Variants in MYT1L observed in about 807,000 individuals in gnomAD.
MYT1L encodes myelin transcription factor 1 like, also known as myelin transcription factor 1-like protein.
In MYT1L, 12 loss-of-function variants were observed where a neutral mutation model predicts 126.7. The observed-to-expected ratio is 0.09, with a 90% CI of 0.06 to 0.15. The LOEUF (loss-of-function observed/expected upper bound fraction) is 0.15, where lower values mean the gene tolerates loss of function less well. Among genes scored for constraint, MYT1L ranks in the 10% least tolerant of loss-of-function variants. The pLI is 1.00. For missense variants in MYT1L, 979 were observed against 1,585.2 expected, an observed-to-expected ratio of 0.62 and a Z score of 6.49; for synonymous variants, 541 against 604.2, an observed-to-expected ratio of 0.90 and a Z score of 1.53.
chr2:2,157,346 C>T (rs2086898618), intron 3 of MYT1L, among the ~76,000 whole-genome samples: 1 of 152,224 alleles, frequency 6.6e-6, no homozygotes. Flanking sequence ...CATAATTTTA[C>T]CAAGTACTTA....
At chr2:2,025,638 G>A (rs973750310) in intron 4 of MYT1L, among the ~76,000 whole-genome samples, 1 of 152,148 alleles carries the variant, frequency 6.6e-6, no homozygotes, top group African/African-American at 2.4e-5. Context: ...ACATCAATAC[G>A]CCCAAGTCTT....
intron 18 of MYT1L, among the ~76,000 whole-genome samples, chr2:1,874,016 T>C (rs1250100803): frequency 1.3e-5 from 2 of 151,864 alleles, no homozygotes; most frequent in East Asian, 3.9e-4. Flanking sequence ...ACGAAGAAAG[T>C]GACAGGAAAT....
chr2:2,300,258 C>T (rs1457346615), intron 1 of MYT1L, among the ~76,000 whole-genome samples: 1 of 152,182 alleles, frequency 6.6e-6, no homozygotes, highest in Non-Finnish European at 1.5e-5. Context: ...AGGCATTTGA[C>T]TTCTGATTGC....
intron 2 of MYT1L, among the ~76,000 whole-genome samples, chr2:2,244,673 G>C (rs1463401612): frequency 6.6e-6 from 1 of 152,200 alleles, no homozygotes; most frequent in African/African-American, 2.4e-5. Context: ...CCAGCTCAGA[G>C]GGCAGGTGTG....
In MYT1L at chr2:1,832,290, A is replaced by C. The variant is rs1330041848; in HGVS notation, c.3080+6859T>G. 1.3e-5 allele frequency among the ~76,000 whole-genome samples: 2 copies of C among 152,166 alleles called. 1 individual carries two copies. Among genetic ancestry groups the C allele is most frequent in the Non-Finnish European group, 2.9e-5 (2 of 68,022 alleles). Reference sequence around the variant, plus strand: ...AACCAGGAAGAGAGGCCTCCCCAGAAACCAGATCAGCTGGAACCTGATCTC... The same window carrying C: ...AACCAGGAAGAGAGGCCTCCCCAGACACCAGATCAGCTGGAACCTGATCTC... On this transcript the variant is annotated intron_variant, in intron 21 of 24. Coordinates refer to ENST00000647738, the MANE Select transcript of MYT1L (RefSeq NM_001303052.2).
At chr2:2,084,382 A>G (rs2150339600) in intron 3 of MYT1L, among the ~76,000 whole-genome samples, 1 of 152,360 alleles carries the variant, frequency 6.6e-6, no homozygotes. Context: ...TTGTGTGTGA[A>G]AAACAGGATA....
intron 3 of MYT1L, among the ~76,000 whole-genome samples, chr2:2,088,664 T>C (rs1197167681): frequency 6.6e-6 from 1 of 151,994 alleles, no homozygotes; most frequent in African/African-American, 2.4e-5. Flanking sequence ...TAAGTACTAG[T>C]ATAAAAAATA....
At chr2:2,065,813 C>G (rs1197283700) in intron 3 of MYT1L, among the ~76,000 whole-genome samples, 1 of 139,892 alleles carries the variant, frequency 7.1e-6, no homozygotes, top group Admixed American at 7.3e-5. Flanking sequence ...ATATCAATCT[C>G]TCTCTTTTAT....
chr2:2,131,576 A>C (rs1296773016), intron 3 of MYT1L, among the ~76,000 whole-genome samples: 1 of 152,186 alleles, frequency 6.6e-6, no homozygotes, highest in Non-Finnish European at 1.5e-5. Flanking sequence ...TAGTAACTAA[A>C]TGAGAGGTTA....
At chr2:2,127,242 C>T (rs1285520055) in intron 3 of MYT1L, among the ~76,000 whole-genome samples, 1 of 152,146 alleles carries the variant, frequency 6.6e-6, no homozygotes, top group African/African-American at 2.4e-5. Flanking sequence ...CTCCTCCCAG[C>T]CTCCACCCCA....
chr2:2,101,410 T>C lies in MYT1L; in HGVS notation c.-303-47287A>G, dbSNP rs1425597094. 3.9e-5 allele frequency among the ~76,000 whole-genome samples: 6 copies of C among 152,218 alleles called. No individual in the cohort carries two copies. The East Asian group carries it at 9.7e-4, about 25-fold the overall frequency. On this transcript the variant is annotated intron_variant, in intron 3 of 24. Transcript: ENST00000647738. ...GCAAAATAAAGATTTAATAATAAAA[T>C]AGCTGTGAGTTACTTCAGGCATTAA...
At chr2:2,052,453 CA>C (rs1313618969) in intron 4 of MYT1L, among the ~76,000 whole-genome samples, 1 of 152,088 alleles carries the variant, frequency 6.6e-6, no homozygotes, top group East Asian at 1.9e-4. Context: ...AAACTTAAAA[CA>C]ACGAAATGTT....
intron 4 of MYT1L, among the ~76,000 whole-genome samples, chr2:2,037,525 G>A (rs916897183): frequency 6.6e-6 from 1 of 151,714 alleles, no homozygotes; most frequent in African/African-American, 2.4e-5. Context: ...GGAAGCCAAG[G>A]TGGCCAGATC....
intron 18 of MYT1L, among the ~76,000 whole-genome samples, chr2:1,859,548 C>T (rs2044314269): frequency 1.3e-5 from 2 of 152,168 alleles, no homozygotes; most frequent in African/African-American, 4.8e-5. Context: ...GAAGTTATGG[C>T]TGGCAAAATA....
chr2:2,238,918 T>A (rs1167462549), intron 2 of MYT1L, among the ~76,000 whole-genome samples: 1 of 152,126 alleles, frequency 6.6e-6, no homozygotes, highest in Admixed American at 6.5e-5. Context: ...TAGTAGCAGG[T>A]GCCAGGGTGG....
intron 18 of MYT1L, among the ~76,000 whole-genome samples, chr2:1,883,490 C>T (rs1237373554): frequency 2.0e-5 from 3 of 152,194 alleles, no homozygotes; most frequent in Non-Finnish European, 4.4e-5. Flanking sequence ...TGAAATGTCA[C>T]GAGAAGAAAC....
chr2:2,283,073 C>G (rs562567614), intron 2 of MYT1L, among the ~76,000 whole-genome samples: 4 of 152,010 alleles, frequency 2.6e-5, no homozygotes, highest in Admixed American at 6.6e-5. Flanking sequence ...AGACTCCATC[C>G]CCCCCAACAC....
rs535630580 is a variant in MYT1L at position 2,048,239 on chromosome 2, G to GA, written c.-158+5738dup. On this transcript the variant is annotated intron_variant, in intron 4 of 24. Coordinates refer to ENST00000647738, the MANE Select transcript of MYT1L (RefSeq NM_001303052.2). The stretch of plus-strand genomic sequence containing the variant: ...CTTCCAATCCCTTCTGCCCTGACCA[G>GA]AAAAAAAATAAAATAAAACTTATAA... 1.1e-3 allele frequency among the ~76,000 whole-genome samples: 163 copies of GA among 151,734 alleles called. 1 individual carries two copies. The highest frequency in any genetic ancestry group is 1.7e-3 in the Non-Finnish European group (117 of 67,950).
intron 18 of MYT1L, among the ~76,000 whole-genome samples, chr2:1,879,177 G>A (rs1291597383): frequency 1.3e-5 from 2 of 152,122 alleles, no homozygotes; most frequent in Non-Finnish European, 2.9e-5. Context: ...GAAAGCGCCT[G>A]GGAGAGAACG....
Sources: allele counts gnomAD v4.1 joint callset (sites outside exome capture counted in the v4.1 genomes callset), GRCh38; gene constraint gnomAD v4.1.1; transcripts MANE v1.5; gene names NCBI Gene and HGNC (gene_info 2026-07-23, HGNC 2026-07-21).